ARFGEF2: variants seen among roughly 807,000 people sequenced by gnomAD.
ARFGEF2 encodes brefeldin A-inhibited guanine nucleotide-exchange protein 2.
In ARFGEF2, 74 loss-of-function variants were observed where a neutral mutation model predicts 219.9. The ratio of observed to expected loss-of-function variants is 0.34; its 90% CI spans 0.28 to 0.41. The LOEUF is 0.41. ARFGEF2 is among the 10% of genes least tolerant of loss of function. ARFGEF2 has a pLI of 1.00. For synonymous variants in ARFGEF2, 733 were observed against 799.2 expected (o/e 0.92, Z 1.40); for missense variants, 1,743 against 2,218.3 (o/e 0.79, Z 4.30).
chr20:48,968,416 C>CT (rs1274445825), intron 8 of ARFGEF2, among the ~76,000 whole-genome samples: 4 of 146,936 alleles, frequency 2.7e-5, no homozygotes, highest in Admixed American at 6.8e-5. Flanking sequence ...CAATAGTATT[C>CT]TTTTTTTTAC....
In ARFGEF2 at chr20:48,956,582, C is replaced by CT. The variant is rs933909713; in HGVS notation, c.838+2801dup. 1.1e-3 allele frequency among the ~76,000 whole-genome samples: 169 copies of CT among 151,448 alleles called. 1 individual carries two copies. Among genetic ancestry groups the CT allele is most frequent in the African/African-American group, 3.6e-3 (149 of 41,346 alleles). ...GGATTTCTTAGCTCACTTTTTGCAT[C>CT]TTTTTTTTTGAGAATGAGTCTCGCC... On this transcript the variant is annotated intron_variant, in intron 6 of 38. Transcript: ENST00000371917.
chr20:48,994,676 A>G (rs1311864858), intron 22 of ARFGEF2, 78 bp downstream of exon 22: 9 of 1,580,398 alleles, frequency 5.7e-6, no homozygotes, highest in African/African-American at 1.3e-5. Context: ...TCTCATCAGG[A>G]CTGTCCTGTA....
At chr20:48,993,075 A>G (rs1392344713) in intron 21 of ARFGEF2, among the ~76,000 whole-genome samples, 1 of 152,136 alleles carries the variant, frequency 6.6e-6, no homozygotes, top group African/African-American at 2.4e-5. Flanking sequence ...TATATTTTGA[A>G]TTGTGTGCTT....
chr20:48,954,656 A>G (rs1359256351), intron 6 of ARFGEF2, among the ~76,000 whole-genome samples: 2 of 152,196 alleles, frequency 1.3e-5, no homozygotes, highest in African/African-American at 4.8e-5. Context: ...TTTATAATTT[A>G]CCAGACTGCT....
rs1181657882 is a variant in ARFGEF2 at position 48,985,465 on chromosome 20, G to A, written c.2128G>A (p.Ala710Thr). The change falls in exon 16 of 39, where the codon GCC becomes ACC. Residue 710 changes from alanine to threonine, a missense_variant. Transcript: ENST00000371917. The part of the protein sequence containing the change: ...SARFNKEVMY[A>T]YVDQLDFCEK... The stretch of plus-strand genomic sequence containing the variant: ...AAGGTTCAACAAGGAGGTGATGTAT[G>A]CCTACGTGGACCAACTTGACTTCTG... 1 of 1,614,098 alleles carries A rather than the reference G, an allele frequency of 6.2e-7. No homozygotes were observed. Among genetic ancestry groups the A allele is most frequent in the Non-Finnish European group, 8.5e-7 (1 of 1,180,048 alleles).
Position 49,016,302 on chromosome 20 carries a change from C to T in ARFGEF2, c.4202C>T (p.Thr1401Ile), listed in dbSNP as rs747196156. ...LSEKSEWMTTTCNHALYAICD... is the reference protein window; with the variant it reads ...LSEKSEWMTTICNHALYAICD... ...CAGAAATCTGAGTGGATGACAACAA[C>T]CTGCAATCACGCACTTTATGCTATT... Residue 1401 changes from threonine to isoleucine, a missense_variant, in exon 31 of 39, where the codon ACC (threonine) becomes ATC (isoleucine). Physicochemically the swap from Thr to Ile is moderately conservative, Grantham distance 89. Around this residue, in one of 5 missense-constraint regions of ARFGEF2, gnomAD observed 578 missense variants for 664.0 expected, o/e 0.87. Coordinates refer to ENST00000371917, the MANE Select transcript of ARFGEF2 (RefSeq NM_006420.3). The T allele has an allele frequency of 6.8e-6, 11 of 1,613,982 alleles. No individual in the cohort carries two copies. The highest frequency in any genetic ancestry group is 1.3e-5 in the African/African-American group (1 of 75,022).
intron 26 of ARFGEF2, among the ~76,000 whole-genome samples, chr20:49,009,793 A>G (rs777394137): frequency 1.3e-5 from 2 of 152,228 alleles, no homozygotes; most frequent in Non-Finnish European, 2.9e-5. Flanking sequence ...GAATTTAGTA[A>G]TGATTATCTC....
chr20:48,965,998 A>G lies in ARFGEF2; in HGVS notation c.1034A>G (p.Gln345Arg). The change falls in exon 8 of 39, where the codon CAG (glutamine) becomes CGG (arginine). Residue 345 changes from glutamine (Q) to arginine (R), a missense_variant. Physicochemically the swap from Gln to Arg is conservative, Grantham distance 43. Transcript: ENST00000371917. The part of the protein sequence containing the change: ...SQTNGIADDR[Q>R]SLSSADNLES... ...ACCAACGGGATAGCCGATGACAGGC[A>G]GTCCTTGTCGTCAGCAGATAATCTG... The G allele has an allele frequency of 6.2e-7, 1 of 1,614,154 alleles. No individual in the cohort carries two copies. Among genetic ancestry groups the G allele is most frequent in the Non-Finnish European group, 8.5e-7 (1 of 1,179,970 alleles).
chr20:48,998,161 A>G (rs1411832530), intron 23 of ARFGEF2, 32 bp from the exon 24 acceptor site: 2 of 1,609,502 alleles, frequency 1.2e-6, no homozygotes, highest in Non-Finnish European at 1.7e-6. Context: ...CACCCGGTCT[A>G]ATGTTTATTT....
At chr20:49,028,786 TTTTC>T (rs940082947) in intron 37 of ARFGEF2, 118 bp downstream of exon 37, 71 of 1,184,342 alleles carry the variant, frequency 6.0e-5, no homozygotes, top group South Asian at 5.7e-4. Flanking sequence ...ACAAATTTTT[TTTTC>T]TTTCTATTTG....
At chr20:48,972,284 A>G (rs1209438120) in intron 10 of ARFGEF2, 42 bp from the exon 11 acceptor site, 1 of 1,445,666 alleles carries the variant, frequency 6.9e-7, no homozygotes, top group Non-Finnish European at 9.7e-7. Context: ...GCCCTGGTTG[A>G]AACTGTTAAT....
intron 14 of ARFGEF2, among the ~76,000 whole-genome samples, chr20:48,979,334 C>T (rs1220763804): frequency 1.3e-5 from 2 of 152,118 alleles, no homozygotes; most frequent in Admixed American, 6.6e-5. Context: ...CTGACTTGAT[C>T]GTGGTGGATA....
At position 48,994,523 on chromosome 20, in the gene ARFGEF2, G is replaced by C. The variant is rs149644732; in HGVS notation, c.3046G>C (p.Gly1016Arg). The C allele has an allele frequency of 5.1e-4, 828 of 1,614,034 alleles. 3 individuals are homozygous for C. The highest frequency in any genetic ancestry group is 6.6e-4 in the Non-Finnish European group (774 of 1,180,044). ...CGGTGTGAAGACGCGCTACCTGTCT[G>C]GATCTGGGCGTGAAAGAGAAGGGAG... ...GTGVKTRYLS[G>R]SGREREGSLK... The change falls in exon 22 of 39, where the codon GGA (glycine) becomes CGA (arginine). Residue 1016 changes from glycine to arginine, a missense_variant. Gly to Arg is a moderately radical substitution (Grantham distance 125). This residue lies in a region of ARFGEF2 where 666 missense variants were observed against 955.4 expected (regional missense o/e 0.70). Transcript: ENST00000371917.
chr20:48,945,568 A>C (rs1363214893), intron 3 of ARFGEF2, among the ~76,000 whole-genome samples: 5 of 152,136 alleles, frequency 3.3e-5, no homozygotes, highest in Non-Finnish European at 7.4e-5. Context: ...CTCTCTTTTT[A>C]GAATGGAAGT....
chr20:49,012,038 T>C lies in ARFGEF2; in HGVS notation c.3872T>C (p.Ile1291Thr), dbSNP rs761201261. ...AAFPDTSMEA[I>T]RLIRFCGKYV... Reference sequence around the variant, plus strand: ...TTCCCTGACACGAGCATGGAAGCGATTCGGCTCATCCGCTTCTGTGGCAAA... The same window carrying C: ...TTCCCTGACACGAGCATGGAAGCGACTCGGCTCATCCGCTTCTGTGGCAAA... Residue 1291 changes from isoleucine (I) to threonine (T), a missense_variant, in exon 28 of 39, where the codon ATT (isoleucine) becomes ACT (threonine). Coordinates refer to ENST00000371917, the MANE Select transcript of ARFGEF2 (RefSeq NM_006420.3). The C allele has an allele frequency of 9.9e-6, 16 of 1,614,124 alleles. No homozygotes were observed. Among genetic ancestry groups the C allele is most frequent in the Non-Finnish European group, 1.7e-6 (2 of 1,180,056 alleles).
chr20:48,945,911 T>C (rs1367064425), intron 3 of ARFGEF2, among the ~76,000 whole-genome samples: 1 of 152,146 alleles, frequency 6.6e-6, no homozygotes, highest in African/African-American at 2.4e-5. Context: ...TTCTCTGAGA[T>C]GTAATAGATT....
chr20:48,971,412 A>T, intron 10 of ARFGEF2, 58 bp downstream of exon 10: 2 of 1,241,848 alleles, frequency 1.6e-6, no homozygotes, highest in Non-Finnish European at 2.3e-6. Flanking sequence ...GTCATTAATT[A>T]TAATACTCAA....
chr20:49,010,269 G>A lies in ARFGEF2; in HGVS notation c.3622G>A (p.Ala1208Thr). 6.2e-7 allele frequency: 1 copy of A among 1,614,204 alleles called. No homozygotes were observed. The highest frequency in any genetic ancestry group is 8.5e-7 in the Non-Finnish European group (1 of 1,180,038). The part of the protein sequence containing the change: ...TIRDMAIRCI[A>T]QMVNSQAANI... Reference sequence around the variant, plus strand: ...CCGGGACATGGCGATCCGCTGCATTGCCCAGATGGTGAACTCCCAGGCGGC... The same window carrying A: ...CCGGGACATGGCGATCCGCTGCATTACCCAGATGGTGAACTCCCAGGCGGC... Residue 1208 changes from alanine (A) to threonine (T), a missense_variant, in exon 27 of 39, where the codon GCC becomes ACC. Physicochemically the swap from Ala to Thr is moderately conservative, Grantham distance 58 (BLOSUM62 0). Transcript: ENST00000371917.
intron 14 of ARFGEF2, among the ~76,000 whole-genome samples, chr20:48,983,651 T>G (rs755964482): frequency 6.6e-6 from 1 of 152,216 alleles, no homozygotes; most frequent in Non-Finnish European, 1.5e-5. Flanking sequence ...TTGAACACCT[T>G]CAGCTCTTTT....
Sources: allele counts gnomAD v4.1 joint callset (sites outside exome capture counted in the v4.1 genomes callset), GRCh38; gene constraint gnomAD v4.1.1; regional missense constraint gnomAD v4.1.1; transcripts MANE v1.5; gene names NCBI Gene and HGNC (gene_info 2026-07-23, HGNC 2026-07-21).